TFDP2: variants seen among roughly 807,000 people sequenced by gnomAD.
The protein encoded by TFDP2 is transcription factor Dp-2 (E2F dimerization partner 2).
In TFDP2, 17 loss-of-function variants were observed where a neutral mutation model predicts 59.3. The ratio of observed to expected loss-of-function variants is 0.29; its 90% CI spans 0.20 to 0.43. TFDP2 has a LOEUF of 0.43. TFDP2 is among the 20% of genes least tolerant of loss of function. The pLI is 1.00. For missense variants in TFDP2, 391 were observed against 528.8 expected (o/e 0.74, Z 2.56); for synonymous variants, 180 against 194.7 (o/e 0.92, Z 0.63).
Position 141,945,604 on chromosome 3 carries a change from G to A in TFDP2, c.*6909C>T, listed in dbSNP as rs1339274023. 6.6e-6 allele frequency: 1 copy of A among 152,236 alleles called. No homozygotes were observed. Among genetic ancestry groups the A allele is most frequent in the Non-Finnish European group, 1.5e-5 (1 of 68,062 alleles). The allele number at this position is 152,236 out of a possible 1,614,324, so 9.4% of individuals were successfully genotyped here. ...AGGTTGAACCTGCCATGGAACTACT[G>A]GGAAAACTAGAACTGCAACAAGCCC... On this transcript the variant is annotated 3_prime_UTR_variant, in exon 13 of 13. Coordinates refer to ENST00000489671, the MANE Select transcript of TFDP2 (RefSeq NM_001178139.2).
chr3:141,976,168 T>C (rs1378328863), intron 7 of TFDP2, among the ~76,000 whole-genome samples: 1 of 152,194 alleles, frequency 6.6e-6, no homozygotes, highest in South Asian at 2.1e-4. Flanking sequence ...CGTGAGCCAC[T>C]GCACCCGGCC....
At chr3:142,070,923 T>C (rs2060225294) in intron 3 of TFDP2, among the ~76,000 whole-genome samples, 1 of 152,184 alleles carries the variant, frequency 6.6e-6, no homozygotes, top group Non-Finnish European at 1.5e-5. Flanking sequence ...AAATAAGACC[T>C]AAGCTTAGAT....
chr3:141,977,914 G>A (rs1940942927), intron 7 of TFDP2, among the ~76,000 whole-genome samples: 2 of 151,530 alleles, frequency 1.3e-5, no homozygotes, highest in East Asian at 3.9e-4. Flanking sequence ...GTTTCACAGT[G>A]TTAGCCAGGA....
At chr3:142,018,761 T>A (rs1178338318) in intron 3 of TFDP2, among the ~76,000 whole-genome samples, 1 of 152,130 alleles carries the variant, frequency 6.6e-6, no homozygotes, top group Non-Finnish European at 1.5e-5. Context: ...TTAAATTTTA[T>A]TTTCTTTGAC....
In TFDP2 at chr3:142,149,430, G is replaced by C. The variant is rs2063305937; in HGVS notation, c.-340C>G. 1.0e-5 allele frequency: 4 copies of C among 381,812 alleles called. No homozygotes were observed. Among genetic ancestry groups the C allele is most frequent in the Non-Finnish European group, 1.9e-5 (4 of 215,692 alleles). 23.7% of individuals were successfully genotyped at this position (381,812 alleles called of 1,614,324 possible). On this transcript the variant is annotated 5_prime_UTR_variant, in exon 1 of 13. Coordinates refer to ENST00000489671, the MANE Select transcript of TFDP2 (RefSeq NM_001178139.2). ...GGTCAGGGCGCGCCCCGCGGGCCGG[G>C]CAGCTGCGGCAGCGCCGCAGCCGAG...
Position 142,121,814 on chromosome 3 carries a change from C to T in TFDP2, c.-92-19973G>A, listed in dbSNP as rs2062056833. Among the ~76,000 whole-genome samples the T allele has an allele frequency of 6.6e-6, 1 of 150,626 alleles. No homozygotes were observed. The highest frequency in any genetic ancestry group is 6.7e-5 in the Admixed American group (1 of 14,972). On this transcript the variant is annotated intron_variant, in intron 1 of 12. Coordinates refer to ENST00000489671, the MANE Select transcript of TFDP2 (RefSeq NM_001178139.2). The surrounding 1 kb of genome is among the most constrained non-coding windows in gnomAD (Gnocchi z 4.3). ...AGGAGTTCGAGACCAGCCTGACCAA[C>T]ACAGAGAAACCCTGTCTCTACTAAA...
At chr3:141,979,853 T>A (rs924737765) in intron 6 of TFDP2, among the ~76,000 whole-genome samples, 1 of 151,466 alleles carries the variant, frequency 6.6e-6, no homozygotes, top group Non-Finnish European at 1.5e-5. Context: ...CCTCCCAAAG[T>A]GCTGGGATTA....
At chr3:142,139,186 A>AC (rs781414206) in intron 1 of TFDP2, among the ~76,000 whole-genome samples, 26 of 152,006 alleles carry the variant, frequency 1.7e-4, no homozygotes, top group Non-Finnish European at 3.5e-4. Flanking sequence ...TAGGATTGCA[A>AC]CCCCTGCTTT....
intron 4 of TFDP2, among the ~76,000 whole-genome samples, chr3:142,001,989 GGTTT>G (rs1943813221): frequency 7.3e-6 from 1 of 137,678 alleles, no homozygotes. Flanking sequence ...CACCATGCCT[GGTTT>G]TTTTTTTTTT....
intron 3 of TFDP2, among the ~76,000 whole-genome samples, chr3:142,059,453 T>C (rs904105808): frequency 6.6e-6 from 1 of 152,232 alleles, no homozygotes; most frequent in African/African-American, 2.4e-5. Flanking sequence ...TCTTTTCTAA[T>C]ACCACACTAT....
At chr3:142,114,946 A>T (rs1355361357) in intron 1 of TFDP2, among the ~76,000 whole-genome samples, 55 of 152,230 alleles carry the variant, frequency 3.6e-4, no homozygotes, top group Non-Finnish European at 5.9e-5. Context: ...AAGATGTCCT[A>T]TAAAGCCTTC....
intron 3 of TFDP2, among the ~76,000 whole-genome samples, chr3:142,039,710 C>T (rs1007767203): frequency 7.9e-5 from 12 of 152,118 alleles, no homozygotes; most frequent in African/African-American, 2.7e-4. Flanking sequence ...TAGAAAACCA[C>T]CTATGACACC....
At chr3:142,022,903 CG>C (rs1945726697) in intron 3 of TFDP2, among the ~76,000 whole-genome samples, 1 of 151,870 alleles carries the variant, frequency 6.6e-6, no homozygotes, top group Admixed American at 6.6e-5. Context: ...GGGTGGATTA[CG>C]AAGTCAGGAG....
At chr3:141,968,636 CATAT>C (rs1407064850) in intron 9 of TFDP2, among the ~76,000 whole-genome samples, 1 of 106,892 alleles carries the variant, frequency 9.4e-6, no homozygotes, top group Non-Finnish European at 1.7e-5. Flanking sequence ...ATATATAACA[CATAT>C]ATATCTCATA....
In TFDP2 at chr3:142,149,438, G is replaced by C. The variant is rs1482592666; in HGVS notation, c.-348C>G. ...CGCGCCCCGCGGGCCGGGCAGCTGC[G>C]GCAGCGCCGCAGCCGAGATCGCTAC... On this transcript the variant is annotated 5_prime_UTR_variant, in exon 1 of 13. Coordinates refer to ENST00000489671, the MANE Select transcript of TFDP2 (RefSeq NM_001178139.2). 1 of 381,314 alleles carries C rather than the reference G, an allele frequency of 2.6e-6. No individual in the cohort carries two copies. The highest frequency in any genetic ancestry group is 1.5e-4 in the South Asian group (1 of 6,888). 23.6% of individuals were successfully genotyped at this position (381,314 alleles called of 1,614,324 possible). A position where few individuals can be genotyped will look rare whatever the true frequency, so the allele number is the denominator to read the frequency against.
chr3:142,044,226 G>GT (rs142598439), intron 3 of TFDP2: 1,367 of 118,192 alleles, frequency 0.012, 8 homozygotes, highest in South Asian at 0.025. Flanking sequence ...CAGCAAAAGG[G>GT]TTTTTTTTTT....
chr3:142,026,918 A>C (rs955407593), intron 3 of TFDP2, among the ~76,000 whole-genome samples: 2 of 152,212 alleles, frequency 1.3e-5, no homozygotes, highest in African/African-American at 4.8e-5. Flanking sequence ...ATTTCAATTA[A>C]ACCCAAAATA....
At chr3:142,051,461 C>A (rs933627032) in intron 3 of TFDP2, among the ~76,000 whole-genome samples, 3 of 151,796 alleles carry the variant, frequency 2.0e-5, no homozygotes, top group African/African-American at 7.3e-5. Flanking sequence ...ATTGCTTGAG[C>A]CTGGGAGGCG....
intron 1 of TFDP2, among the ~76,000 whole-genome samples, chr3:142,133,818 T>C (rs2062606771): frequency 6.6e-6 from 1 of 151,794 alleles, no homozygotes; most frequent in South Asian, 2.1e-4. Context: ...TCTGGTTTTG[T>C]TTTGTTTTTT....
Sources: gnomAD v4.1 joint callset for allele counts (sites outside exome capture counted in the v4.1 genomes callset) on GRCh38, gnomAD v4.1.1 for gene constraint, Gnocchi (gnomAD v3.1) non-coding constraint, MANE v1.5 for transcripts, NCBI Gene and HGNC (gene_info 2026-07-23, HGNC 2026-07-21) for gene names.